ATP10B: variants seen among roughly 807,000 people sequenced by gnomAD.
ATP10B encodes the protein ATPase phospholipid transporting 10B (putative).
Under a neutral mutation model 141.2 loss-of-function variants are expected in ATP10B, and 122 were observed. The ratio of observed to expected loss-of-function variants is 0.86; its 90% confidence interval spans 0.75 to 1.00. The LOEUF (loss-of-function observed/expected upper bound fraction) is 1.00. Ranked by LOEUF, ATP10B falls within the 50% of genes least tolerant of loss-of-function variation. The probability of loss-of-function intolerance (pLI) is 0.00; values close to 1 mark genes in which losing one functional copy is unlikely to be tolerated. For missense variants in ATP10B, 1,876 were observed against 1,825.3 expected, an observed-to-expected ratio of 1.03 and a Z score of -0.51; for synonymous variants, 685 against 692.0, an observed-to-expected ratio of 0.99 and a Z score of 0.16.
intron 3 of ATP10B, among the ~76,000 whole-genome samples, chr5:160,691,261 C>T (rs182261471): frequency 2.0e-5 from 3 of 152,154 alleles, no homozygotes; most frequent in East Asian, 1.9e-4. Context: ...ATATAGATGA[C>T]GGGTTGATGG....
At chr5:160,653,596 TAC>T in intron 7 of ATP10B, among the ~76,000 whole-genome samples, 2 of 102,608 alleles carry the variant, frequency 1.9e-5, no homozygotes, top group African/African-American at 7.9e-5. Context: ...TATACATATA[TAC>T]ATATATACAT....
At chr5:160,613,398 G>C (rs1757828814) in intron 17 of ATP10B, among the ~76,000 whole-genome samples, 1 of 152,208 alleles carries the variant, frequency 6.6e-6, no homozygotes. Flanking sequence ...TGCTGGACTG[G>C]GCAGAGCCTT....
At chr5:160,759,260 T>G (rs903151604) in intron 2 of ATP10B, among the ~76,000 whole-genome samples, 1 of 152,224 alleles carries the variant, frequency 6.6e-6, no homozygotes, top group African/African-American at 2.4e-5. Flanking sequence ...AGAAAAGTCC[T>G]GGCTGGTATC....
chr5:160,892,227 G>A, the ATP10B span, among the ~76,000 whole-genome samples: 8 of 152,136 alleles, frequency 5.3e-5, no homozygotes, highest in Admixed American at 3.9e-4. Flanking sequence ...TGGGATTCAC[G>A]TGATCTGGCT....
the ATP10B span, among the ~76,000 whole-genome samples, chr5:160,880,134 TAATAG>T: frequency 4.7e-5 from 7 of 147,474 alleles, no homozygotes; most frequent in Non-Finnish European, 8.9e-5. Flanking sequence ...AGAAATTATA[TAATAG>T]ATTACATAAT....
intron 24 of ATP10B, among the ~76,000 whole-genome samples, chr5:160,574,354 A>C (rs1755058881): frequency 2.0e-5 from 3 of 152,168 alleles, no homozygotes; most frequent in Non-Finnish European, 4.4e-5. Flanking sequence ...GAATCACTTG[A>C]ACCCGGAGGC....
At chr5:160,799,875 C>T (rs1772253566) in intron 1 of ATP10B, among the ~76,000 whole-genome samples, 1 of 152,194 alleles carries the variant, frequency 6.6e-6, no homozygotes, top group African/African-American at 2.4e-5. Context: ...TAGTTCTCAT[C>T]CATTCAAGAT....
chr5:160,612,623 T>TG (rs927733727), intron 18 of ATP10B, 118 bp downstream of exon 18: 89 of 787,616 alleles, frequency 1.1e-4, no homozygotes, highest in Non-Finnish European at 1.7e-4. Flanking sequence ...AGTGATCTGT[T>TG]GGGGGTTGGG....
At chr5:160,669,610 T>G (rs1183104697) in intron 7 of ATP10B, among the ~76,000 whole-genome samples, 3 of 7,304 alleles carry the variant, frequency 4.1e-4, no homozygotes, top group African/African-American at 8.4e-4. Context: ...GTCTCTCTCT[T>G]TTTTTTTTTT....
chr5:160,869,247 T>A, the ATP10B span, among the ~76,000 whole-genome samples: 1 of 152,172 alleles, frequency 6.6e-6, no homozygotes, highest in Non-Finnish European at 1.5e-5. Context: ...CCAACTCAAC[T>A]GTAAATTCAG....
At chr5:160,696,842 TA>T (rs1204176571) in intron 3 of ATP10B, among the ~76,000 whole-genome samples, 1 of 152,224 alleles carries the variant, frequency 6.6e-6, no homozygotes, top group Non-Finnish European at 1.5e-5. Flanking sequence ...TGATTTGCAG[TA>T]AAACAATCTC....
chr5:160,609,239 C>A (rs1461075759), intron 18 of ATP10B, among the ~76,000 whole-genome samples: 1 of 151,780 alleles, frequency 6.6e-6, no homozygotes, highest in Non-Finnish European at 1.5e-5. Flanking sequence ...CAAAGTGAGT[C>A]AAATTATTAA....
intron 3 of ATP10B, among the ~76,000 whole-genome samples, chr5:160,694,972 C>A (rs1035329269): frequency 6.6e-6 from 1 of 152,168 alleles, no homozygotes; most frequent in Non-Finnish European, 1.5e-5. Context: ...ATATAATCAG[C>A]GTTCCAATGA....
chr5:160,677,555 G>C (rs1443057765), intron 6 of ATP10B, among the ~76,000 whole-genome samples: 2 of 152,018 alleles, frequency 1.3e-5, no homozygotes, highest in Non-Finnish European at 2.9e-5. Flanking sequence ...AGATTTTTTT[G>C]TCTTCTTTCA....
At chr5:160,717,350 C>T (rs752444422) in intron 2 of ATP10B, among the ~76,000 whole-genome samples, 12 of 152,120 alleles carry the variant, frequency 7.9e-5, no homozygotes, top group Non-Finnish European at 1.5e-4. Context: ...GAGGGCAAAG[C>T]CTGGTGTGTC....
At chr5:160,694,054 A>G (rs1427246997) in intron 3 of ATP10B, among the ~76,000 whole-genome samples, 4 of 152,184 alleles carry the variant, frequency 2.6e-5, no homozygotes, top group Non-Finnish European at 4.4e-5. Context: ...GAGTCTGAAG[A>G]GTGCCAGGGA....
intron 2 of ATP10B, among the ~76,000 whole-genome samples, chr5:160,767,090 C>CTG (rs1769503260): frequency 9.2e-5 from 14 of 152,162 alleles, no homozygotes; most frequent in African/African-American, 3.4e-4. Context: ...ACACAAAATA[C>CTG]TTTAACAGTA....
rs552853556 is a variant in ATP10B at position 160,692,050 on chromosome 5, G to A, written c.-204-3107C>T. Among the ~76,000 whole-genome samples the A allele has an allele frequency of 9.2e-5, 14 of 152,284 alleles. No homozygotes were observed. The South Asian group carries it at 2.9e-3, about 32-fold the overall frequency. On this transcript the variant is annotated intron_variant, in intron 3 of 25. Transcript: ENST00000327245. ...GCCTTGGTTAATGCCATCCATATCAGACTTCTCTCACTATTAGGTGGTAAG... is the reference window on the plus strand; with the variant it reads ...GCCTTGGTTAATGCCATCCATATCAAACTTCTCTCACTATTAGGTGGTAAG...
intron 9 of ATP10B, 48 bp from the exon 10 acceptor site, chr5:160,640,640 T>A: frequency 6.2e-7 from 1 of 1,600,462 alleles, no homozygotes; most frequent in African/African-American, 1.3e-5. Context: ...TGTTTGCCTA[T>A]GTCTTACACC....
Sources: gnomAD v4.1 joint callset for allele counts (sites outside exome capture counted in the v4.1 genomes callset) on GRCh38, gnomAD v4.1.1 for gene constraint, MANE v1.5 for transcripts, NCBI Gene and HGNC (gene_info 2026-07-23, HGNC 2026-07-21) for gene names.